The following RCN1 variants were observed in gnomAD, a reference collection of about 807,000 sequenced individuals.
RCN1 encodes reticulocalbin-1.
Under a neutral mutation model 34.7 loss-of-function variants are expected in RCN1, and 14 were observed. The observed-to-expected ratio is 0.40, with a 90% confidence interval of 0.27 to 0.63. RCN1 has a LOEUF of 0.63. Ranked by LOEUF, RCN1 falls within the 30% of genes least tolerant of loss-of-function variation. The pLI is 0.37. For missense variants in RCN1, 326 were observed against 425.1 expected (o/e 0.77, Z 2.05); for synonymous variants, 125 against 165.5 (o/e 0.76, Z 1.88).
chr11:32,101,866 AAAAC>A (rs994316189), intron 4 of RCN1: 2 of 152,220 alleles, frequency 1.3e-5, no homozygotes, highest in Non-Finnish European at 2.9e-5. Flanking sequence ...CTGCATGATC[AAAAC>A]AAACAATGTA....
chr11:32,095,979 T>A (rs2133473664), intron 1 of RCN1, among the ~76,000 whole-genome samples: 1 of 152,224 alleles, frequency 6.6e-6, no homozygotes, highest in Middle Eastern at 3.4e-3. Flanking sequence ...GATTATTCAC[T>A]CCTCCCCTTC....
intron 1 of RCN1, among the ~76,000 whole-genome samples, chr11:32,092,112 AG>A (rs982209336): frequency 2.0e-5 from 3 of 152,012 alleles, no homozygotes; most frequent in Non-Finnish European, 2.9e-5. Flanking sequence ...GTTCGAGACC[AG>A]CCTGACCAAA....
At position 32,091,145 on chromosome 11, in the gene RCN1, G is replaced by T. The variant is rs548483516; in HGVS notation, c.-52G>T. 2.2e-6 allele frequency: 3 copies of T among 1,381,530 alleles called. No homozygotes were observed. Among genetic ancestry groups the T allele is most frequent in the East Asian group, 6.0e-5 (2 of 33,584 alleles). 85.6% of individuals were successfully genotyped at this position (1,381,530 alleles called of 1,614,324 possible). A position where few individuals can be genotyped will look rare whatever the true frequency, so the allele number is the denominator to read the frequency against. On this transcript the variant is annotated 5_prime_UTR_variant, in exon 1 of 6. Transcript: ENST00000054950. The stretch of plus-strand genomic sequence containing the variant: ...TCCGAGTCCCCATTCCCGAGCTGCC[G>T]CTGTTGTCGCTCGCTCAGCGTCTCC...
Position 32,098,410 on chromosome 11 carries a change from G to A in RCN1, c.509G>A (p.Arg170His), listed in dbSNP as rs375977831. 28 of 1,613,944 alleles carry A rather than the reference G, an allele frequency of 1.7e-5. No individual in the cohort carries two copies. Among genetic ancestry groups the A allele is most frequent in the East Asian group, 2.2e-5 (1 of 44,874 alleles). ...DHHTFKKMLP[R>H]DERRFKAADL... is the part of the protein sequence containing the mutation. ...CACACCTTTAAAAAGATGCTGCCAC[G>A]TGATGAGAGAAGATTCAAAGCTGCA... The change falls in exon 3 of 6, where the codon CGT becomes CAT. Residue 170 changes from arginine (R) to histidine (H), a missense_variant. Coordinates refer to ENST00000054950, the MANE Select transcript of RCN1 (RefSeq NM_002901.4).
rs1454095264 is a variant in RCN1 at position 32,103,433 on chromosome 11, G to A, written c.841G>A (p.Ala281Thr). 2.5e-6 allele frequency: 4 copies of A among 1,613,744 alleles called. No homozygotes were observed. The highest frequency in any genetic ancestry group is 1.1e-5 in the South Asian group (1 of 91,078). ...GATCCTCCCTCAAGATTATGATCAT[G>A]CACAGGCTGAGGCCAGGCATCTGGT... is the stretch of plus-strand genomic sequence containing the variant. ...HWILPQDYDH[A>T]QAEARHLVYE... is the part of the protein sequence containing the mutation. The change falls in exon 5 of 6, where the codon GCA becomes ACA. Residue 281 changes from alanine (A) to threonine (T), a missense_variant. By Grantham distance (58) the Ala-to-Thr change is moderately conservative. Coordinates refer to ENST00000054950, the MANE Select transcript of RCN1 (RefSeq NM_002901.4).
rs1026875970 is a variant in RCN1, at chr11:32,105,045, A to G, written c.*573A>G. 1 of 167,234 alleles carries G rather than the reference A, an allele frequency of 6.0e-6. No individual in the cohort carries two copies. Among genetic ancestry groups the G allele is most frequent in the Non-Finnish European group, 1.5e-5 (1 of 68,236 alleles). The allele number at this position is 167,234 out of a possible 1,614,324, so 10.4% of individuals were successfully genotyped here. On this transcript the variant is annotated 3_prime_UTR_variant, in exon 6 of 6. Coordinates refer to ENST00000054950, the MANE Select transcript of RCN1 (RefSeq NM_002901.4). ...ATGAAACCTCCATGCATTTTCCAGT[A>G]TGGATCTGCTAATATGCACAGTAAA...
At chr11:32,099,253 G>C (rs1353600554) in intron 3 of RCN1, among the ~76,000 whole-genome samples, 1 of 152,062 alleles carries the variant, frequency 6.6e-6, no homozygotes, top group African/African-American at 2.4e-5. Flanking sequence ...CCCAGGAGGC[G>C]GAGGTTGCAG....
At chr11:32,093,894 G>C (rs912751922) in intron 1 of RCN1, among the ~76,000 whole-genome samples, 3 of 152,136 alleles carry the variant, frequency 2.0e-5, no homozygotes, top group African/African-American at 7.2e-5. Flanking sequence ...TGGTCTCTCC[G>C]GATTCCAGGA....
intron 3 of RCN1, among the ~76,000 whole-genome samples, chr11:32,099,693 G>A (rs1268576340): frequency 6.6e-6 from 1 of 152,166 alleles, no homozygotes; most frequent in African/African-American, 2.4e-5. Context: ...TTTCAATCCT[G>A]GGAAACAGAT....
chr11:32,095,592 T>C (rs563090826), intron 1 of RCN1, among the ~76,000 whole-genome samples: 3 of 152,272 alleles, frequency 2.0e-5, no homozygotes, highest in African/African-American at 7.2e-5. Context: ...GTATTTTTAG[T>C]AGAGACGGGG....
chr11:32,099,016 G>A (rs765782185), intron 3 of RCN1, among the ~76,000 whole-genome samples: 2 of 152,118 alleles, frequency 1.3e-5, no homozygotes, highest in African/African-American at 2.4e-5. Context: ...GTTTAGATAC[G>A]TGCCTAGAAA....
chr11:32,100,660 C>A lies in RCN1; in HGVS notation c.688+52C>A, dbSNP rs573380183. 2.9e-5 allele frequency: 41 copies of A among 1,420,306 alleles called. No individual in the cohort carries two copies. The East Asian group carries it at 8.7e-4, about 30-fold the overall frequency. The allele number at this position is 1,420,306 out of a possible 1,614,324, so 88.0% of individuals were successfully genotyped here. Reference sequence around the variant, plus strand: ...AGCTGTCCTGACTGGGCCACATGACCCCACCCACACGTCTGGCTACTTTCC... The same window carrying A: ...AGCTGTCCTGACTGGGCCACATGACACCACCCACACGTCTGGCTACTTTCC... On this transcript the variant is annotated intron_variant, in intron 4 of 5. Coordinates refer to ENST00000054950, the MANE Select transcript of RCN1 (RefSeq NM_002901.4).
At chr11:32,098,618 G>A (rs1026635264) in intron 3 of RCN1, 90 bp downstream of exon 3, 3 of 1,080,246 alleles carry the variant, frequency 2.8e-6, no homozygotes, top group East Asian at 5.3e-5. Context: ...AGATTTTTCA[G>A]CCTGAAGGGA....
At position 32,104,458 on chromosome 11, in the gene RCN1, C is replaced by T; in HGVS notation, c.982C>T (p.His328Tyr). 6.7e-7 allele frequency: 1 copy of T among 1,492,006 alleles called. No homozygotes were observed. Among genetic ancestry groups the T allele is most frequent in the Non-Finnish European group, 9.3e-7 (1 of 1,071,030 alleles). 92.4% of individuals were successfully genotyped at this position (1,492,006 alleles called of 1,614,324 possible). Residue 328 changes from histidine (H) to tyrosine (Y), a missense_variant, in exon 6 of 6, where the codon CAT becomes TAT. Physicochemically the swap from His to Tyr is moderately conservative, Grantham distance 83. Coordinates refer to ENST00000054950, the MANE Select transcript of RCN1 (RefSeq NM_002901.4). Reference sequence around the variant, plus strand: ...TTACGGGGAAGATCTCACAAAAAATCATGATGAGCTTTGATAGACACTCAC... The same window carrying T: ...TTACGGGGAAGATCTCACAAAAAATTATGATGAGCTTTGATAGACACTCAC... ...TNYGEDLTKNHDEL is the reference protein window; with the variant it reads ...TNYGEDLTKNYDEL
chr11:32,100,491 T>A, intron 3 of RCN1, 57 bp from the exon 4 acceptor site: 1 of 1,400,670 alleles, frequency 7.1e-7, no homozygotes, highest in African/African-American at 1.4e-5. Flanking sequence ...AATAGAATTC[T>A]CAGACTTCTT....
intron 1 of RCN1, among the ~76,000 whole-genome samples, chr11:32,095,881 G>T (rs1203911311): frequency 6.6e-6 from 1 of 152,130 alleles, no homozygotes; most frequent in Non-Finnish European, 1.5e-5. Flanking sequence ...TGCAAATGAA[G>T]GGGTACTTTC....
chr11:32,093,433 G>T (rs1851941803), intron 1 of RCN1, among the ~76,000 whole-genome samples: 1 of 152,188 alleles, frequency 6.6e-6, no homozygotes, highest in Non-Finnish European at 1.5e-5. Context: ...CACAATTGCT[G>T]CAATGATGGC....
At chr11:32,098,745 A>G (rs554815580) in intron 3 of RCN1, among the ~76,000 whole-genome samples, 1 of 152,304 alleles carries the variant, frequency 6.6e-6, no homozygotes, top group Admixed American at 6.5e-5. Context: ...TAACACTAGC[A>G]AAGCTTGTTC....
Position 32,104,598 on chromosome 11 carries a change from G to A in RCN1, c.*126G>A, listed in dbSNP as rs1022203986. The stretch of plus-strand genomic sequence containing the variant: ...AAGCAAGTTTATACCTCAGATTGGG[G>A]TATAAAAATTGTTTTTCGCTCAGTA... On this transcript the variant is annotated 3_prime_UTR_variant, in exon 6 of 6. Coordinates refer to ENST00000054950, the MANE Select transcript of RCN1 (RefSeq NM_002901.4). The A allele has an allele frequency of 5.1e-6, 3 of 588,668 alleles. No individual in the cohort carries two copies. The highest frequency in any genetic ancestry group is 2.3e-5 in the South Asian group (1 of 43,586). The allele number at this position is 588,668 out of a possible 1,614,324, so 36.5% of individuals were successfully genotyped here. A position where few individuals can be genotyped will look rare whatever the true frequency, so the allele number is the denominator to read the frequency against.
Sources: gnomAD v4.1 joint callset for allele counts (sites outside exome capture counted in the v4.1 genomes callset) on GRCh38, gnomAD v4.1.1 for gene constraint, MANE v1.5 for transcripts, NCBI Gene and HGNC (gene_info 2026-07-23, HGNC 2026-07-21) for gene names.